Variants in RALGAPA2 observed in about 807,000 individuals in gnomAD.
The protein encoded by RALGAPA2 is ral GTPase-activating protein subunit alpha-2.
In RALGAPA2, 139 loss-of-function variants were observed where a neutral mutation model predicts 230.4. That is an observed-to-expected ratio of 0.60 (90% CI 0.53 to 0.69). The LOEUF (loss-of-function observed/expected upper bound fraction) is 0.69, where lower values mean the gene tolerates loss of function less well. Ranked by LOEUF, RALGAPA2 falls within the 30% of genes least tolerant of loss-of-function variation. RALGAPA2 has a pLI of 0.00. For missense variants in RALGAPA2, 2,163 were observed against 2,276.0 expected, an observed-to-expected ratio of 0.95 and a Z score of 1.01; for synonymous variants, 847 against 837.8, an observed-to-expected ratio of 1.01 and a Z score of -0.19.
chr20:20,523,008 T>G (rs971326373), intron 30 of RALGAPA2, among the ~76,000 whole-genome samples: 8 of 152,170 alleles, frequency 5.3e-5, no homozygotes, highest in African/African-American at 1.9e-4. Flanking sequence ...ACAAATACTT[T>G]TTAGTAGAAT....
intron 10 of RALGAPA2, among the ~76,000 whole-genome samples, chr20:20,626,224 T>G (rs1460267673): frequency 1.3e-5 from 2 of 152,242 alleles, no homozygotes. Context: ...ACATTTTGTT[T>G]TCCATAAAAG....
At chr20:20,648,216 G>A (rs903441553) in intron 4 of RALGAPA2, among the ~76,000 whole-genome samples, 2 of 151,934 alleles carry the variant, frequency 1.3e-5, no homozygotes, top group Non-Finnish European at 1.5e-5. Context: ...AAATAATTAC[G>A]CCAAGTGAAA....
intron 25 of RALGAPA2, among the ~76,000 whole-genome samples, chr20:20,536,012 G>C (rs2063489438): frequency 6.6e-6 from 1 of 152,202 alleles, no homozygotes; most frequent in African/African-American, 2.4e-5. Flanking sequence ...GGCCTCCTTA[G>C]GCCATTCAGC....
At position 20,389,742 on chromosome 20, in the gene RALGAPA2, G is replaced by C. The variant is rs1211220656; in HGVS notation, c.*3547C>G. 1 of 151,824 alleles carries C rather than the reference G, an allele frequency of 6.6e-6. No homozygotes were observed. The highest frequency in any genetic ancestry group is 6.6e-5 in the Admixed American group (1 of 15,244). The allele number at this position is 151,824 out of a possible 1,614,324, so 9.4% of individuals were successfully genotyped here. A position where few individuals can be genotyped will look rare whatever the true frequency, so the allele number is the denominator to read the frequency against. ...TGGAGATGTGTGCTTTCTCGGTGTG[G>C]CTGCCTGGGCCGCGGTGTGTCCTGG... On this transcript the variant is annotated 3_prime_UTR_variant, in exon 40 of 40. Coordinates refer to ENST00000202677, the MANE Select transcript of RALGAPA2 (RefSeq NM_020343.4).
At chr20:20,403,242 T>C (rs1167928939) in intron 38 of RALGAPA2, among the ~76,000 whole-genome samples, 5 of 152,232 alleles carry the variant, frequency 3.3e-5, no homozygotes, top group Non-Finnish European at 7.3e-5. Context: ...GGCTGCTGTC[T>C]GTCTTGCCCA....
chr20:20,612,199 T>C (rs2065996251), intron 13 of RALGAPA2, among the ~76,000 whole-genome samples: 1 of 152,236 alleles, frequency 6.6e-6, no homozygotes, highest in South Asian at 2.1e-4. Flanking sequence ...CTAAGTTATA[T>C]TGCTCATATC....
At chr20:20,597,883 G>A (rs1404271277) in intron 16 of RALGAPA2, among the ~76,000 whole-genome samples, 3 of 151,796 alleles carry the variant, frequency 2.0e-5, no homozygotes, top group South Asian at 2.1e-4. Context: ...AATCTACAAC[G>A]CCAAATTTCT....
At chr20:20,396,626 G>A (rs1253835222) in intron 39 of RALGAPA2, 69 bp downstream of exon 39, 57 of 1,423,450 alleles carry the variant, frequency 4.0e-5, no homozygotes, top group Non-Finnish European at 5.3e-5. Flanking sequence ...GAGGGCAGCC[G>A]ATTAGAAAAG....
intron 37 of RALGAPA2, among the ~76,000 whole-genome samples, chr20:20,425,996 A>G (rs1488062445): frequency 6.6e-6 from 1 of 152,224 alleles, no homozygotes; most frequent in Admixed American, 6.5e-5. Context: ...GCCCTGGAGC[A>G]TGTCTTTATC....
At chr20:20,453,488 T>C (rs933779276) in intron 37 of RALGAPA2, among the ~76,000 whole-genome samples, 2 of 152,208 alleles carry the variant, frequency 1.3e-5, no homozygotes, top group Non-Finnish European at 1.5e-5. Flanking sequence ...CATCTGAAGC[T>C]CCAAGATCAC....
intron 37 of RALGAPA2, among the ~76,000 whole-genome samples, chr20:20,431,703 C>T (rs1321056217): frequency 6.6e-6 from 1 of 152,140 alleles, no homozygotes; most frequent in East Asian, 1.9e-4. Context: ...TAAGTGTTCT[C>T]ACCACAAATA....
At chr20:20,464,874 T>G (rs2061380377) in intron 37 of RALGAPA2, among the ~76,000 whole-genome samples, 3 of 152,228 alleles carry the variant, frequency 2.0e-5, no homozygotes, top group Admixed American at 6.5e-5. Flanking sequence ...CTATCTATTT[T>G]TGAGTTCCTA....
chr20:20,440,467 G>A (rs2060712963), intron 37 of RALGAPA2, among the ~76,000 whole-genome samples: 1 of 152,126 alleles, frequency 6.6e-6, no homozygotes, highest in South Asian at 2.1e-4. Context: ...ACAGAAACAG[G>A]TACTTGAGGC....
intron 38 of RALGAPA2, among the ~76,000 whole-genome samples, chr20:20,405,716 G>A (rs186841620): frequency 3.3e-5 from 5 of 152,212 alleles, no homozygotes; most frequent in East Asian, 1.9e-4. Context: ...CTGTGGATTC[G>A]CTGGCTCCTG....
At chr20:20,471,560 T>G (rs1340924188) in intron 37 of RALGAPA2, 1 of 152,044 alleles carries the variant, frequency 6.6e-6, no homozygotes, top group African/African-American at 2.4e-5. Flanking sequence ...TTTAATAGTA[T>G]GTGAAATAAA....
rs1478209225 is a variant in RALGAPA2 at position 20,712,504 on chromosome 20, C to T, written c.-24G>A. The T allele has an allele frequency of 3.2e-6, 5 of 1,539,550 alleles. No individual in the cohort carries two copies. Among genetic ancestry groups the T allele is most frequent in the South Asian group, 1.2e-5 (1 of 83,440 alleles). On this transcript the variant is annotated 5_prime_UTR_variant, in exon 1 of 40. Transcript: ENST00000202677. This position sits in a 1 kb window ranked among gnomAD's most constrained non-coding sequence, Gnocchi z 5.5. ...ATCCCGCGGCAGGAAGCCCGGGCCC[C>T]GCCGGCGGGGCAGTAGGCGCCTGCG...
chr20:20,683,904 C>T (rs1158622573), intron 1 of RALGAPA2, among the ~76,000 whole-genome samples: 1 of 152,120 alleles, frequency 6.6e-6, no homozygotes, highest in Admixed American at 6.5e-5. Context: ...ACCAGATGGA[C>T]CCTCACACCC....
At chr20:20,627,112 ATG>A (rs2066513574) in intron 10 of RALGAPA2, among the ~76,000 whole-genome samples, 1 of 152,196 alleles carries the variant, frequency 6.6e-6, no homozygotes, top group African/African-American at 2.4e-5. Context: ...TGGCAGTATG[ATG>A]TGTGCAGTAC....
intron 17 of RALGAPA2, among the ~76,000 whole-genome samples, chr20:20,589,746 A>AT (rs1395205532): frequency 2.0e-5 from 3 of 152,160 alleles, no homozygotes; most frequent in South Asian, 4.1e-4. Flanking sequence ...GTGCCTCAGT[A>AT]TTGCTTGAGA....
Sources: allele counts gnomAD v4.1 joint callset (sites outside exome capture counted in the v4.1 genomes callset), GRCh38; gene constraint gnomAD v4.1.1; non-coding constraint Gnocchi (gnomAD v3.1); transcripts MANE v1.5; gene names NCBI Gene and HGNC (gene_info 2026-07-23, HGNC 2026-07-21).